The following FRYL variants were observed in gnomAD, a reference collection of about 807,000 sequenced individuals.
FRYL encodes the protein FRY like transcription coactivator, also known as protein furry homolog-like.
Under a neutral mutation model 351.2 loss-of-function variants are expected in FRYL, and 150 were observed. The ratio of observed to expected loss-of-function variants is 0.43; its 90% CI spans 0.37 to 0.49. FRYL has a LOEUF of 0.49. Among genes scored for constraint, FRYL ranks in the 20% least tolerant of loss-of-function variants. FRYL has a pLI of 0.00. For missense variants in FRYL, 3,036 were observed against 3,619.3 expected, an observed-to-expected ratio of 0.84 and a Z score of 4.13; for synonymous variants, 1,153 against 1,257.1, an observed-to-expected ratio of 0.92 and a Z score of 1.75.
At chr4:48,512,371 T>G (rs1275949574) in intron 57 of FRYL, 110 bp downstream of exon 57, 12 of 843,540 alleles carry the variant, frequency 1.4e-5, no homozygotes, top group Admixed American at 2.9e-5. Context: ...AAAAAAAAAT[T>G]TGTTAAAACT....
intron 5 of FRYL, 101 bp from the exon 6 acceptor site, chr4:48,620,879 C>T (rs1750519494): frequency 9.9e-7 from 1 of 1,011,348 alleles, no homozygotes; most frequent in Non-Finnish European, 1.4e-6. Context: ...AACACAGTAA[C>T]TCAATGCAAT....
intron 11 of FRYL, 65 bp from the exon 12 acceptor site, chr4:48,603,453 A>G (rs1746091905): frequency 7.6e-6 from 8 of 1,048,100 alleles, no homozygotes; most frequent in Middle Eastern, 2.7e-4. Context: ...TACAAAGAAT[A>G]CAAGAACTTT....
intron 2 of FRYL, among the ~76,000 whole-genome samples, chr4:48,709,912 G>A (rs544064701): frequency 1.3e-5 from 2 of 152,212 alleles, no homozygotes; most frequent in South Asian, 2.1e-4. Context: ...GGCATTGGTC[G>A]ACTGGCTCAA....
chr4:48,708,689 C>T (rs2149587270), intron 2 of FRYL, among the ~76,000 whole-genome samples: 1 of 152,278 alleles, frequency 6.6e-6, no homozygotes, highest in East Asian at 1.9e-4. Flanking sequence ...ACCTCTTGGG[C>T]TCAAGTAATC....
intron 3 of FRYL, among the ~76,000 whole-genome samples, chr4:48,641,631 C>G (rs10938537): frequency 0.53 from 81,048 of 151,820 alleles, 22,439 homozygotes; most frequent in African/African-American, 0.68. Flanking sequence ...AAGAAACTGA[C>G]TCCAAATGAA....
intron 32 of FRYL, 40 bp from the exon 33 acceptor site, chr4:48,561,676 A>G (rs1232942782): frequency 1.3e-6 from 2 of 1,483,502 alleles, no homozygotes; most frequent in Non-Finnish European, 1.8e-6. Context: ...TTAAGATTTT[A>G]TGGGTTCTCT....
At chr4:48,637,014 T>C (rs1356825011) in intron 3 of FRYL, 1 of 152,096 alleles carries the variant, frequency 6.6e-6, no homozygotes, top group Non-Finnish European at 1.5e-5. Flanking sequence ...CCTAAGAGTA[T>C]GTATATAAAA....
intron 4 of FRYL, among the ~76,000 whole-genome samples, chr4:48,633,314 C>T (rs191165661): frequency 7.9e-5 from 12 of 152,286 alleles, no homozygotes; most frequent in African/African-American, 2.6e-4. Flanking sequence ...TACTTTGCTG[C>T]TCTACGTCAT....
intron 1 of FRYL, among the ~76,000 whole-genome samples, chr4:48,776,327 AT>A: frequency 6.6e-6 from 1 of 152,242 alleles, no homozygotes; most frequent in East Asian, 1.9e-4. Context: ...TCATATTAAT[AT>A]TTTACAACAA....
At chr4:48,562,757 C>G in intron 32 of FRYL, 132 bp downstream of exon 32, 1 of 596,984 alleles carries the variant, frequency 1.7e-6, no homozygotes, top group South Asian at 2.2e-5. Flanking sequence ...AATAATTAGG[C>G]CTTGATACCA....
intron 3 of FRYL, among the ~76,000 whole-genome samples, chr4:48,676,664 T>C (rs1763746734): frequency 6.6e-6 from 1 of 152,210 alleles, no homozygotes; most frequent in Non-Finnish European, 1.5e-5. Flanking sequence ...GTTTTGGGAT[T>C]ACAGGCGTGA....
chr4:48,750,910 A>G (rs1306260632), intron 1 of FRYL, among the ~76,000 whole-genome samples: 1 of 152,094 alleles, frequency 6.6e-6, no homozygotes, highest in African/African-American at 2.4e-5. Flanking sequence ...AGGAAACCAG[A>G]CTCCCAGCAG....
chr4:48,556,100 G>T (rs1412723268), intron 35 of FRYL, among the ~76,000 whole-genome samples: 2 of 152,146 alleles, frequency 1.3e-5, no homozygotes, highest in Admixed American at 6.5e-5. Context: ...TTACCATGTT[G>T]GCCAGGCTGG....
At chr4:48,560,555 A>G (rs2149048771) in intron 33 of FRYL, among the ~76,000 whole-genome samples, 1 of 152,136 alleles carries the variant, frequency 6.6e-6, no homozygotes, top group East Asian at 1.9e-4. Flanking sequence ...GGACTCCTCT[A>G]CTTTCTGTGC....
Position 48,593,977 on chromosome 4 carries a change from G to T in FRYL, c.1288C>A (p.Leu430Ile). Residue 430 changes from leucine to isoleucine, a missense_variant, in exon 16 of 64, where the codon CTT (leucine) becomes ATT (isoleucine). Physicochemically the swap from Leu to Ile is conservative, Grantham distance 5 (BLOSUM62 2). Around this residue, in one of 7 missense-constraint regions of FRYL, gnomAD observed 457 missense variants for 566.6 expected, o/e 0.81. Coordinates refer to ENST00000358350, the MANE Select transcript of FRYL (RefSeq NM_015030.2). ...DFAMKEIIFD[L>I]LSVGKSTKTF... is the part of the protein sequence containing the mutation. ...TTAGTAGATTTTCCAACACTGAGAA[G>T]ATCAAATATTATTTCTTTCATTGCA... 1 of 1,476,930 alleles carries T rather than the reference G, an allele frequency of 6.8e-7. No homozygotes were observed. Among genetic ancestry groups the T allele is most frequent in the Non-Finnish European group, 9.0e-7 (1 of 1,113,056 alleles). 91.5% of individuals were successfully genotyped at this position (1,476,930 alleles called of 1,614,324 possible).
chr4:48,726,236 T>C (rs1185316924), intron 1 of FRYL, among the ~76,000 whole-genome samples: 3 of 152,080 alleles, frequency 2.0e-5, no homozygotes, highest in Non-Finnish European at 4.4e-5. Flanking sequence ...ATCAGAAAAA[T>C]AAAGATACAG....
Position 48,573,291 on chromosome 4 carries a change from T to G in FRYL, c.2847-48A>C, listed in dbSNP as rs368055672. 393 of 1,220,418 alleles carry G rather than the reference T, an allele frequency of 3.2e-4. 2 individuals are homozygous for G. The highest frequency in any genetic ancestry group is 2.5e-3 in the Middle Eastern group (13 of 5,258). 75.6% of individuals were successfully genotyped at this position (1,220,418 alleles called of 1,614,324 possible). On this transcript the variant is annotated intron_variant, in intron 25 of 63. Transcript: ENST00000358350. ...TCTATTAATAGCTACACAGATATAA[T>G]CTGACACAGGTAAATATGTAAAAAC...
intron 40 of FRYL, among the ~76,000 whole-genome samples, chr4:48,548,254 G>A (rs1578057678): frequency 6.6e-6 from 1 of 152,052 alleles, no homozygotes; most frequent in Non-Finnish European, 1.5e-5. Context: ...GATCCCACAT[G>A]TTTGCTACAG....
At chr4:48,544,068 G>A (rs569442965) in intron 43 of FRYL, 71 bp from the exon 44 acceptor site, 1 of 1,326,874 alleles carries the variant, frequency 7.5e-7, no homozygotes, top group Non-Finnish European at 1.1e-6. Context: ...AATCAGAAGT[G>A]AATCATCTTA....
Sources: gnomAD v4.1 joint callset for allele counts (sites outside exome capture counted in the v4.1 genomes callset) on GRCh38, gnomAD v4.1.1 for gene constraint, gnomAD v4.1.1 regional missense constraint, MANE v1.5 for transcripts, NCBI Gene and HGNC (gene_info 2026-07-23, HGNC 2026-07-21) for gene names.